The following KIAA1328 variants were observed in gnomAD, a reference collection of about 807,000 sequenced individuals.
KIAA1328 encodes KIAA1328.
In KIAA1328, 52 loss-of-function variants were observed where a neutral mutation model predicts 68.1. The ratio of observed to expected loss-of-function variants is 0.76; its 90% CI spans 0.61 to 0.96. KIAA1328 has a LOEUF of 0.96. Ranked by LOEUF, KIAA1328 falls within the 40% of genes least tolerant of loss-of-function variation. The probability of loss-of-function intolerance (pLI) is 0.00; values close to 1 mark genes in which losing one functional copy is unlikely to be tolerated. For missense variants in KIAA1328, 641 were observed against 677.6 expected, an observed-to-expected ratio of 0.95 and a Z score of 0.60; for synonymous variants, 232 against 239.4, an observed-to-expected ratio of 0.97 and a Z score of 0.28.
chr18:36,938,900 G>A (rs2050603825), intron 5 of KIAA1328, among the ~76,000 whole-genome samples: 1 of 152,092 alleles, frequency 6.6e-6, no homozygotes, highest in Admixed American at 6.6e-5. Flanking sequence ...CCATAAATGC[G>A]TGGGTTTATT....
At chr18:36,940,570 A>T (rs2151182983) in intron 5 of KIAA1328, among the ~76,000 whole-genome samples, 1 of 152,172 alleles carries the variant, frequency 6.6e-6, no homozygotes, top group Non-Finnish European at 1.5e-5. Flanking sequence ...TTGAAGTTTT[A>T]TCCTGACTTC....
rs374897508 is a variant in KIAA1328, at chr18:37,126,656, A to G, written c.1233-33544A>G. On this transcript the variant is annotated intron_variant, in intron 7 of 9. Coordinates refer to ENST00000280020, the MANE Select transcript of KIAA1328 (RefSeq NM_020776.3). ...CAAAATCAAAGATTATAAGAAAAGA[A>G]CACTACATACCAATATCTCTCATGA... Among the ~76,000 whole-genome samples the G allele has an allele frequency of 2.6e-5, 4 of 152,322 alleles. No individual in the cohort carries two copies. The South Asian group carries it at 6.2e-4, about 24-fold the overall frequency.
Position 36,851,466 on chromosome 18 carries a change from G to C in KIAA1328, c.332+7164G>C, listed in dbSNP as rs1568076544. On this transcript the variant is annotated intron_variant, in intron 4 of 9. Transcript: ENST00000280020. ...CTTTGTTGGGAAGATTTTGATTACTGATTCAATCATTTTACTTGGTATAGG... is the reference window on the plus strand; with the variant it reads ...CTTTGTTGGGAAGATTTTGATTACTCATTCAATCATTTTACTTGGTATAGG... Among the ~76,000 whole-genome samples the C allele has an allele frequency of 4.0e-5, 6 of 151,274 alleles. No homozygotes were observed. The South Asian group carries it at 1.3e-3, about 32-fold the overall frequency.
chr18:37,071,634 CA>C (rs1327259783), intron 7 of KIAA1328, among the ~76,000 whole-genome samples: 4 of 152,198 alleles, frequency 2.6e-5, no homozygotes, highest in Non-Finnish European at 5.9e-5. Context: ...ACATACACAT[CA>C]CTTGAGCAAA....
chr18:36,861,234 G>GT (rs1392805534), intron 4 of KIAA1328, among the ~76,000 whole-genome samples: 2 of 151,310 alleles, frequency 1.3e-5, no homozygotes, highest in African/African-American at 2.4e-5. Context: ...CCTTTCATTT[G>GT]TTTTTTTTCT....
At chr18:37,158,188 A>G (rs2059198319) in intron 7 of KIAA1328, among the ~76,000 whole-genome samples, 1 of 152,062 alleles carries the variant, frequency 6.6e-6, no homozygotes, top group Admixed American at 6.6e-5. Context: ...ACATGCCACC[A>G]TGCCTGGCTA....
chr18:37,052,662 C>T (rs1327515968), intron 6 of KIAA1328, among the ~76,000 whole-genome samples: 3 of 151,846 alleles, frequency 2.0e-5, no homozygotes, highest in South Asian at 2.1e-4. Flanking sequence ...AATACAGAAT[C>T]GGCATTCAAA....
intron 6 of KIAA1328, among the ~76,000 whole-genome samples, chr18:36,978,185 T>C (rs1281269635): frequency 6.6e-6 from 1 of 152,198 alleles, no homozygotes; most frequent in Non-Finnish European, 1.5e-5. Context: ...ACACAATATA[T>C]GCTTTGTTCC....
At chr18:36,926,403 T>G (rs117548859) in intron 5 of KIAA1328, among the ~76,000 whole-genome samples, 16 of 151,492 alleles carry the variant, frequency 1.1e-4, no homozygotes, top group South Asian at 2.1e-4. Context: ...ATTTATTTAT[T>G]TATTTATTTA....
chr18:36,894,263 T>C (rs1252818491), intron 5 of KIAA1328, among the ~76,000 whole-genome samples: 1 of 152,196 alleles, frequency 6.6e-6, no homozygotes, highest in East Asian at 1.9e-4. Flanking sequence ...TATCCAAAGA[T>C]GGTTAAAAAA....
chr18:37,180,562 A>G (rs2654540), intron 9 of KIAA1328, among the ~76,000 whole-genome samples: 39,819 of 151,850 alleles, frequency 0.26, 8,125 homozygotes, highest in African/African-American at 0.57. Flanking sequence ...GAGGTGTTGT[A>G]GTTCAATTAT....
chr18:37,029,380 CTTATTA>C (rs2054728621), intron 6 of KIAA1328, among the ~76,000 whole-genome samples: 1 of 151,684 alleles, frequency 6.6e-6, no homozygotes, highest in African/African-American at 2.4e-5. Flanking sequence ...TCTGATTGTA[CTTATTA>C]TTATTGAGAC....
At chr18:37,070,401 C>T (rs989669120) in intron 7 of KIAA1328, among the ~76,000 whole-genome samples, 3 of 152,090 alleles carry the variant, frequency 2.0e-5, no homozygotes, top group East Asian at 1.9e-4. Flanking sequence ...TTGACAGAGG[C>T]GTTTTGAAAT....
intron 6 of KIAA1328, among the ~76,000 whole-genome samples, chr18:37,031,298 G>A (rs189558038): frequency 5.9e-5 from 9 of 151,970 alleles, no homozygotes; most frequent in African/African-American, 2.2e-4. Flanking sequence ...CATGATTGTG[G>A]GGTTTTTTTT....
intron 7 of KIAA1328, among the ~76,000 whole-genome samples, chr18:37,108,672 T>C (rs922600753): frequency 6.6e-6 from 1 of 152,230 alleles, no homozygotes; most frequent in East Asian, 1.9e-4. Flanking sequence ...TGCCTTAGCA[T>C]GGTCTTACAT....
chr18:37,150,324 C>T (rs184016533), intron 7 of KIAA1328, among the ~76,000 whole-genome samples: 1 of 152,142 alleles, frequency 6.6e-6, no homozygotes, highest in African/African-American at 2.4e-5. Context: ...AGCAGCATCC[C>T]TGGCCTCTAC....
intron 4 of KIAA1328, among the ~76,000 whole-genome samples, chr18:36,877,088 A>G (rs2048152614): frequency 6.6e-6 from 1 of 152,088 alleles, no homozygotes. Context: ...GGAGTGTTTT[A>G]CTTCCAATTA....
intron 7 of KIAA1328, among the ~76,000 whole-genome samples, chr18:37,140,313 A>G (rs2058739719): frequency 1.3e-5 from 2 of 152,188 alleles, no homozygotes; most frequent in South Asian, 4.1e-4. Flanking sequence ...CAGTCTCCCA[A>G]GACTACAACA....
chr18:36,899,703 A>C (rs2048975540), intron 5 of KIAA1328, among the ~76,000 whole-genome samples: 1 of 151,980 alleles, frequency 6.6e-6, no homozygotes, highest in Admixed American at 6.6e-5. Context: ...GGAAAGAATG[A>C]AGTGGATCAG....
Sources: gnomAD v4.1 joint callset for allele counts (sites outside exome capture counted in the v4.1 genomes callset) on GRCh38, gnomAD v4.1.1 for gene constraint, MANE v1.5 for transcripts, NCBI Gene and HGNC (gene_info 2026-07-23, HGNC 2026-07-21) for gene names.